Variants in TEP1 observed in about 807,000 individuals in gnomAD.
TEP1 encodes the protein telomerase protein component 1.
A neutral mutation model predicts 306.3 loss-of-function variants in TEP1; 241 were observed. That is an observed-to-expected ratio of 0.79 (90% CI 0.71 to 0.88). The LOEUF (loss-of-function observed/expected upper bound fraction) is 0.88. Among genes scored for constraint, TEP1 ranks in the 40% least tolerant of loss-of-function variants. The pLI, the probability that TEP1 is intolerant of heterozygous loss-of-function variation, is 0.00. For synonymous variants in TEP1, 1,289 were observed against 1,305.5 expected (o/e 0.99, Z 0.27); for missense variants, 3,051 against 3,276.1 (o/e 0.93, Z 1.68).
In TEP1 at chr14:20,367,615, C is replaced by CTT. The variant is rs879743976; in HGVS notation, c.*820_*821dup. 1.7e-4 allele frequency: 23 copies of CTT among 138,416 alleles called. No individual in the cohort carries two copies. The highest frequency in any genetic ancestry group is 3.4e-4 in the African/African-American group (13 of 37,880). 8.6% of individuals were successfully genotyped at this position (138,416 alleles called of 1,614,324 possible). ...CTCCTCACCTCTCATCTGGGTAGTT[C>CTT]TTTTTTTTTTTTTTTAGACAGAGTC... On this transcript the variant is annotated 3_prime_UTR_variant, in exon 55 of 55. Coordinates refer to ENST00000262715, the MANE Select transcript of TEP1 (RefSeq NM_007110.5).
chr14:20,405,622 G>C, intron 3 of TEP1, 37 bp from the exon 4 acceptor site: 1 of 1,605,626 alleles, frequency 6.2e-7, no homozygotes, highest in Non-Finnish European at 8.5e-7. Context: ...TGAGAAGAGA[G>C]GTAACAAGGA....
chr14:20,371,635 A>G lies in TEP1; in HGVS notation c.7077-3T>C, dbSNP rs773536717. ...GTAGAATTCGGTTCAGGTGAAGACT[A>G]GCTCAAAAAAGTACATGGACAGAGA... On this transcript the variant is annotated splice_region_variant and splice_polypyrimidine_tract_variant and intron_variant, in intron 49 of 54. Transcript: ENST00000262715. 1.1e-5 allele frequency: 17 copies of G among 1,568,034 alleles called. No homozygotes were observed. Among genetic ancestry groups the G allele is most frequent in the Non-Finnish European group, 6.0e-6 (7 of 1,165,948 alleles).
chr14:20,405,867 A>T (rs1879131161), intron 3 of TEP1, among the ~76,000 whole-genome samples: 1 of 152,102 alleles, frequency 6.6e-6, no homozygotes, highest in African/African-American at 2.4e-5. Context: ...TACAAAAATT[A>T]GCCAGGCATG....
At chr14:20,379,282 A>G (rs930365960) in intron 35 of TEP1, among the ~76,000 whole-genome samples, 177 bp from the exon 36 acceptor site, 3 of 152,212 alleles carry the variant, frequency 2.0e-5, no homozygotes, top group African/African-American at 7.2e-5. Context: ...GTGGGGCCAC[A>G]TTTTCTCCCC....
At position 20,401,029 on chromosome 14, in the gene TEP1, G is replaced by C; in HGVS notation, c.1504C>G (p.Leu502Val). 1 of 1,614,234 alleles carries C rather than the reference G, an allele frequency of 6.2e-7. No individual in the cohort carries two copies. Among genetic ancestry groups the C allele is most frequent in the Non-Finnish European group, 8.5e-7 (1 of 1,180,050 alleles). The part of the protein sequence containing the change: ...LSRPETWERE[L>V]SLRGNKASVW... Reference sequence around the variant, plus strand: ...GACGCTTTGTTCCCCCGTAGGCTCAGCTCCCGCTCCCAGGTCTCTGGCCTA... The same window carrying C: ...GACGCTTTGTTCCCCCGTAGGCTCACCTCCCGCTCCCAGGTCTCTGGCCTA... Residue 502 changes from leucine (L) to valine (V), a missense_variant, in exon 9 of 55, where the codon CTG becomes GTG. This residue lies in a region of TEP1 where 1,507 missense variants were observed against 1,550.5 expected (regional missense o/e 0.97). Coordinates refer to ENST00000262715, the MANE Select transcript of TEP1 (RefSeq NM_007110.5).
In TEP1 at chr14:20,380,024, G is replaced by T; in HGVS notation, c.5033C>A (p.Ser1678Tyr). 6.2e-7 allele frequency: 1 copy of T among 1,613,974 alleles called. No individual in the cohort carries two copies. Among genetic ancestry groups the T allele is most frequent in the East Asian group, 2.2e-5 (1 of 44,888 alleles). ...GGTGGAGAAGGCCACAGCAGTAGGG[G>T]ATGAGGAAACTGCCAGAGACAGGCT... ...SSSLSLAVSS[S>Y]PTAVAFSTNG... Residue 1678 changes from serine (S) to tyrosine (Y), a missense_variant, in exon 35 of 55, where the codon TCC becomes TAC. This residue lies in a region of TEP1 where 1,540 missense variants were observed against 1,705.9 expected (regional missense o/e 0.90). Transcript: ENST00000262715.
Position 20,383,817 on chromosome 14 carries a change from G to A in TEP1, c.3636C>T (p.Leu1212=), listed in dbSNP as rs1426841397. The change falls in exon 25 of 55, where the codon CTC becomes CTT. Residue 1212 remains leucine (L), a synonymous_variant. Transcript: ENST00000262715. The stretch of plus-strand genomic sequence containing the variant: ...AGGTACAGAGGCGTCTGAGCAGAGT[G>A]AGGGCAAGACCCTGGTCAGGACGAG... ...SGARPDQGLA[L]TLLRRLCTYL... The A allele has an allele frequency of 1.2e-6, 2 of 1,609,288 alleles. No homozygotes were observed. The highest frequency in any genetic ancestry group is 2.2e-5 in the East Asian group (1 of 44,826).
At chr14:20,413,220 C>T (rs907275975) in intron 1 of TEP1, among the ~76,000 whole-genome samples, 185 bp downstream of exon 1, 13 of 152,112 alleles carry the variant, frequency 8.5e-5, no homozygotes, top group Non-Finnish European at 1.8e-4. Context: ...TTCCCGGAGC[C>T]GCCGGGAGGA....
intron 33 of TEP1, 69 bp downstream of exon 33, chr14:20,380,862 C>CAGGG: frequency 9.8e-6 from 13 of 1,331,804 alleles, no homozygotes; most frequent in Non-Finnish European, 1.2e-5. Context: ...CAACCCTGAG[C>CAGGG]AGGGCCCCCA....
chr14:20,372,874 G>A lies in TEP1; in HGVS notation c.6952-17C>T, dbSNP rs760905105. On this transcript the variant is annotated splice_polypyrimidine_tract_variant and intron_variant, in intron 48 of 54. Transcript: ENST00000262715. ...GCCTGGAGCCTGGTGTACACAACAA[G>A]TTCAATTCAGTGCTTCTGATGAGCC... 6.2e-7 allele frequency: 1 copy of A among 1,614,158 alleles called. No homozygotes were observed. The highest frequency in any genetic ancestry group is 1.1e-5 in the South Asian group (1 of 91,062).
chr14:20,372,614 C>CAGTA, intron 49 of TEP1, 119 bp downstream of exon 49: 2 of 1,448,568 alleles, frequency 1.4e-6, no homozygotes, highest in Non-Finnish European at 1.9e-6. Context: ...AATAATGTCC[C>CAGTA]ACTCAGTAAC....
intron 35 of TEP1, among the ~76,000 whole-genome samples, chr14:20,379,609 T>C (rs1413532746): frequency 1.3e-5 from 2 of 152,240 alleles, no homozygotes; most frequent in African/African-American, 4.8e-5. Context: ...CATGTCTTAA[T>C]TAGATTACAT....
chr14:20,400,514 A>C (rs1296885334), intron 9 of TEP1, among the ~76,000 whole-genome samples: 1 of 148,746 alleles, frequency 6.7e-6, no homozygotes. Flanking sequence ...AAAAAAAAAA[A>C]AAAAAAAACA....
Position 20,367,877 on chromosome 14 carries a change from G to A in TEP1, c.*560C>T. 1 of 153,146 alleles carries A rather than the reference G, an allele frequency of 6.5e-6. No homozygotes were observed. The highest frequency in any genetic ancestry group is 1.5e-5 in the Non-Finnish European group (1 of 68,748). The allele number at this position is 153,146 out of a possible 1,614,324, so 9.5% of individuals were successfully genotyped here. ...GCCCACCTCGGCCTCCCAAAGTGCT[G>A]GGATTACAAGCGTGAGCCACCATGC... On this transcript the variant is annotated 3_prime_UTR_variant, in exon 55 of 55. Transcript: ENST00000262715.
chr14:20,368,248 T>A lies in TEP1; in HGVS notation c.*189A>T. 1.8e-6 allele frequency: 1 copy of A among 549,424 alleles called. No homozygotes were observed. Among genetic ancestry groups the A allele is most frequent in the Non-Finnish European group, 3.1e-6 (1 of 323,898 alleles). The allele number at this position is 549,424 out of a possible 1,614,324, so 34.0% of individuals were successfully genotyped here. A position where few individuals can be genotyped will look rare whatever the true frequency, so the allele number is the denominator to read the frequency against. ...ACACACATTAGAATGTACATATACATACACATAGAATATCCTCCTGTTCTA... is the reference window on the plus strand; with the variant it reads ...ACACACATTAGAATGTACATATACAAACACATAGAATATCCTCCTGTTCTA... On this transcript the variant is annotated 3_prime_UTR_variant, in exon 55 of 55. Transcript: ENST00000262715.
Position 20,395,552 on chromosome 14 carries a change from C to G in TEP1, c.1826G>C (p.Arg609Thr). The G allele has an allele frequency of 6.2e-7, 1 of 1,613,966 alleles. No homozygotes were observed. Among genetic ancestry groups the G allele is most frequent in the Non-Finnish European group, 8.5e-7 (1 of 1,179,796 alleles). ...TRNEKNRPRR[R>T]FLCHLSRQQL... The stretch of plus-strand genomic sequence containing the variant: ...CTGACGGCTTAGGTGGCAAAGAAAC[C>G]TCCGCCTGGGACGGTTCTTTTCATT... Residue 609 changes from arginine to threonine, a missense_variant, in exon 12 of 55, where the codon AGG (arginine) becomes ACG (threonine). Arg to Thr is a moderately conservative substitution (Grantham distance 71, BLOSUM62 -1). Transcript: ENST00000262715.
intron 1 of TEP1, 83 bp from the exon 2 acceptor site, chr14:20,408,546 T>G (rs1190772377): frequency 9.4e-7 from 1 of 1,065,524 alleles, no homozygotes; most frequent in African/African-American, 1.6e-5. Context: ...CCCACAGCCC[T>G]CCTGATAATG....
At chr14:20,387,299 C>T (rs1459625642) in intron 18 of TEP1, among the ~76,000 whole-genome samples, 1 of 147,806 alleles carries the variant, frequency 6.8e-6, no homozygotes, top group African/African-American at 2.5e-5. Flanking sequence ...GTAATCCCAG[C>T]ACTTTGGGAG....
In TEP1 at chr14:20,372,446, T is replaced by C. The variant is rs11851028; in HGVS notation, c.7076+287A>G. On this transcript the variant is annotated intron_variant, in intron 49 of 54. Transcript: ENST00000262715. ...TTATAGCACTAGTCAGTCTGAATAG[T>C]GCTGCTGGTTTAAATATATGCACAT... 7.1e-3 allele frequency among the ~76,000 whole-genome samples: 1,067 copies of C among 151,110 alleles called. 19 individuals carry two copies. The highest frequency in any genetic ancestry group is 0.025 in the African/African-American group (1,015 of 41,210).
Sources: gnomAD v4.1 joint callset for allele counts (sites outside exome capture counted in the v4.1 genomes callset) on GRCh38, gnomAD v4.1.1 for gene constraint, gnomAD v4.1.1 regional missense constraint, MANE v1.5 for transcripts, NCBI Gene and HGNC (gene_info 2026-07-23, HGNC 2026-07-21) for gene names.